The following CCBE1 variants were observed in gnomAD, a reference collection of about 807,000 sequenced individuals.
CCBE1 encodes the protein collagen and calcium-binding EGF domain-containing protein 1.
A neutral mutation model predicts 50.0 loss-of-function variants in CCBE1; 37 were observed. The observed-to-expected ratio is 0.74, with a 90% confidence interval of 0.57 to 0.97. The LOEUF (loss-of-function observed/expected upper bound fraction) is 0.97, where lower values mean the gene tolerates loss of function less well. CCBE1 is among the 50% of genes least tolerant of loss of function. The pLI is 0.00. For missense variants in CCBE1, 538 were observed against 523.8 expected (o/e 1.03, Z -0.26); for synonymous variants, 234 against 203.7 (o/e 1.15, Z -1.27).
chr18:59,568,574 G>C (rs1239024926), intron 2 of CCBE1: 2 of 152,128 alleles, frequency 1.3e-5, no homozygotes, highest in African/African-American at 4.8e-5. Flanking sequence ...TGAGAACTAG[G>C]GAGAAGATGG....
intron 2 of CCBE1, among the ~76,000 whole-genome samples, chr18:59,650,790 C>T (rs2054117120): frequency 2.0e-5 from 3 of 151,424 alleles, no homozygotes; most frequent in Admixed American, 6.6e-5. Flanking sequence ...TCCTCCCTAC[C>T]GATCCTGTAC....
chr18:59,676,570 T>C (rs1157696865), intron 2 of CCBE1, among the ~76,000 whole-genome samples: 1 of 152,244 alleles, frequency 6.6e-6, no homozygotes, highest in East Asian at 1.9e-4. Flanking sequence ...TACAGTAATA[T>C]GTATTCATTC....
At chr18:59,570,966 G>A (rs540016807) in intron 2 of CCBE1, among the ~76,000 whole-genome samples, 1 of 152,280 alleles carries the variant, frequency 6.6e-6, no homozygotes, top group South Asian at 2.1e-4. Context: ...GAGCCATATT[G>A]CTTCAATTTC....
chr18:59,491,768 T>C (rs1187889108), intron 2 of CCBE1, among the ~76,000 whole-genome samples: 3 of 151,154 alleles, frequency 2.0e-5, no homozygotes, highest in Admixed American at 6.6e-5. Flanking sequence ...TGAGCCGAGA[T>C]TGCACCACTG....
At position 59,670,509 on chromosome 18, in the gene CCBE1, C is replaced by T. The variant is rs141271979; in HGVS notation, c.212+26120G>A. Among the ~76,000 whole-genome samples the T allele has an allele frequency of 2.4e-4, 37 of 152,228 alleles. 1 individual carries two copies. Among genetic ancestry groups the T allele is most frequent in the African/African-American group, 6.0e-4 (25 of 41,536 alleles). ...AGGATTTGTCTCATGGTCATGCATG[C>T]GTGTGCCCAGTAATAGGACGGCCCA... On this transcript the variant is annotated intron_variant, in intron 2 of 10. Transcript: ENST00000439986.
At chr18:59,507,675 C>T (rs117911289) in intron 2 of CCBE1, among the ~76,000 whole-genome samples, 176 of 152,254 alleles carry the variant, frequency 1.2e-3, no homozygotes, top group Non-Finnish European at 2.3e-3. Context: ...AGAGTAGTTA[C>T]CTAAATCTCA....
At chr18:59,619,667 T>C (rs1031478035) in intron 2 of CCBE1, among the ~76,000 whole-genome samples, 1 of 152,226 alleles carries the variant, frequency 6.6e-6, no homozygotes, top group Non-Finnish European at 1.5e-5. Context: ...AGTGTTTTGT[T>C]CTTGTCTGGT....
intron 2 of CCBE1, among the ~76,000 whole-genome samples, chr18:59,481,612 T>C (rs1483427464): frequency 6.6e-6 from 1 of 152,180 alleles, no homozygotes; most frequent in East Asian, 1.9e-4. Context: ...ATGATTTTAA[T>C]AACCACGAAC....
intron 2 of CCBE1, among the ~76,000 whole-genome samples, chr18:59,634,387 C>G (rs570172586): frequency 6.6e-6 from 1 of 152,178 alleles, no homozygotes; most frequent in Non-Finnish European, 1.5e-5. Context: ...GCATGACCTG[C>G]GATCCCTAAA....
intron 2 of CCBE1, among the ~76,000 whole-genome samples, chr18:59,595,660 A>G (rs2053340025): frequency 6.6e-6 from 1 of 152,248 alleles, no homozygotes; most frequent in South Asian, 2.1e-4. Context: ...AAATTTTATC[A>G]AATAACTTTA....
At chr18:59,447,238 T>C (rs963265280) in intron 7 of CCBE1, among the ~76,000 whole-genome samples, 4 of 152,270 alleles carry the variant, frequency 2.6e-5, no homozygotes, top group African/African-American at 9.6e-5. Context: ...TATATGTGTA[T>C]AAAGATTCTA....
In CCBE1 at chr18:59,431,175, C is replaced by T. The variant is rs1909935464; in HGVS notation, c.*4733G>A. The T allele has an allele frequency of 6.6e-6, 1 of 152,184 alleles. No individual in the cohort carries two copies. The highest frequency in any genetic ancestry group is 1.5e-5 in the Non-Finnish European group (1 of 68,040). 9.4% of individuals were successfully genotyped at this position (152,184 alleles called of 1,614,324 possible). A position where few individuals can be genotyped will look rare whatever the true frequency, so the allele number is the denominator to read the frequency against. ...CCCTGGGGAGTAAGAGGGTCCTTTT[C>T]TATGATTTCCCTAGAGCAGTAACGT... On this transcript the variant is annotated 3_prime_UTR_variant, in exon 11 of 11. Transcript: ENST00000439986.
intron 2 of CCBE1, among the ~76,000 whole-genome samples, chr18:59,602,925 C>A (rs2053451418): frequency 6.6e-6 from 1 of 152,242 alleles, no homozygotes; most frequent in South Asian, 2.1e-4. Flanking sequence ...GCTCTGCACC[C>A]TTGGATAACT....
chr18:59,686,021 A>T (rs1275250989), intron 2 of CCBE1: 2 of 152,226 alleles, frequency 1.3e-5, no homozygotes, highest in Non-Finnish European at 2.9e-5. Flanking sequence ...TGAAAGTTAC[A>T]TGTAACATCA....
chr18:59,689,440 T>C (rs532152546), intron 2 of CCBE1, among the ~76,000 whole-genome samples: 28 of 152,300 alleles, frequency 1.8e-4, no homozygotes, highest in African/African-American at 6.3e-4. Flanking sequence ...AGCTTTCACA[T>C]TGGCTCTTGG....
At chr18:59,686,222 G>A (rs1037352854) in intron 2 of CCBE1, 5 of 152,196 alleles carry the variant, frequency 3.3e-5, no homozygotes, top group Non-Finnish European at 7.3e-5. Flanking sequence ...TGGGGTCAGT[G>A]GGAATGATTT....
chr18:59,437,423 TG>T (rs1296250955), intron 10 of CCBE1, among the ~76,000 whole-genome samples: 1 of 152,090 alleles, frequency 6.6e-6, no homozygotes. Flanking sequence ...CACTGCACAG[TG>T]GGGGGCAAGA....
chr18:59,598,926 A>T (rs1296622510), intron 2 of CCBE1, among the ~76,000 whole-genome samples: 1 of 152,234 alleles, frequency 6.6e-6, no homozygotes, highest in Non-Finnish European at 1.5e-5. Flanking sequence ...AAGGAAGTCA[A>T]CACAGAGGTG....
rs60749358 is a variant in CCBE1, at chr18:59,539,200, C to CAA, written c.213-58964_213-58963dup. Among the ~76,000 whole-genome samples, 14 of 147,890 alleles carry CAA rather than the reference C, an allele frequency of 9.5e-5. No homozygotes were observed. In the East Asian group the frequency reaches 1.7e-3, roughly 18 times the overall value. ...TATTTAAAAAACACACACACACACA[C>CAA]AAAAAACAAAAAAAAACAGCAAGAA... On this transcript the variant is annotated intron_variant, in intron 2 of 10. Coordinates refer to ENST00000439986, the MANE Select transcript of CCBE1 (RefSeq NM_133459.4).
Sources: gnomAD v4.1 joint callset for allele counts (sites outside exome capture counted in the v4.1 genomes callset) on GRCh38, gnomAD v4.1.1 for gene constraint, MANE v1.5 for transcripts, NCBI Gene and HGNC (gene_info 2026-07-23, HGNC 2026-07-21) for gene names.